The following CHIC2 variants were observed in gnomAD, a reference collection of about 807,000 sequenced individuals.
CHIC2 encodes cysteine rich hydrophobic domain 2, also known as cysteine-rich hydrophobic domain-containing protein 2.
A neutral mutation model predicts 25.9 loss-of-function variants in CHIC2; 14 were observed. That is an observed-to-expected ratio of 0.54 (90% CI 0.36 to 0.85). The LOEUF (loss-of-function observed/expected upper bound fraction) is 0.85, where lower values mean the gene tolerates loss of function less well. Ranked by LOEUF, CHIC2 falls within the 40% of genes least tolerant of loss-of-function variation. CHIC2 has a pLI of 0.01. For synonymous variants in CHIC2, 70 were observed against 72.0 expected, an observed-to-expected ratio of 0.97 and a Z score of 0.14; for missense variants, 146 against 202.0, an observed-to-expected ratio of 0.72 and a Z score of 1.68.
intron 3 of CHIC2, among the ~76,000 whole-genome samples, chr4:54,046,794 C>T (rs1716834259): frequency 6.6e-6 from 1 of 152,170 alleles, no homozygotes; most frequent in South Asian, 2.1e-4. Context: ...TCAAAACTGA[C>T]AAATGGGATC....
chr4:54,064,770 C>A (rs1034360788), upstream of CHIC2: 21 of 493,884 alleles, frequency 4.3e-5, no homozygotes, highest in Middle Eastern at 1.0e-3. The surrounding 1 kb of genome is among the most constrained non-coding windows in gnomAD (Gnocchi z 4.2). Flanking sequence ...CCCAGGCCAC[C>A]GTCTTTCCTC....
the CHIC2 span, among the ~76,000 whole-genome samples, chr4:54,078,671 A>G: frequency 6.6e-6 from 1 of 151,920 alleles, no homozygotes; most frequent in Non-Finnish European, 1.5e-5. Context: ...ATGCACTACC[A>G]CACCCCGTTA....
intron 1 of CHIC2, among the ~76,000 whole-genome samples, chr4:54,057,232 C>T (rs1481459524): frequency 2.6e-5 from 4 of 152,168 alleles, no homozygotes; most frequent in Non-Finnish European, 5.9e-5. Context: ...TAGAGATCAA[C>T]ACCCTAGCTG....
Position 54,048,954 on chromosome 4 carries a change from C to T in CHIC2, c.330+1G>A, listed in dbSNP as rs1270500667. On this transcript the variant is annotated splice_donor_variant, in intron 3 of 5. Transcript: ENST00000263921. LOFTEE classifies it high-confidence loss of function. Reference sequence around the variant, plus strand: ...AAATTAAAATATATAATTCAACTTACTCTTTTACTGAGGCAAATAACTGGC... The same window carrying T: ...AAATTAAAATATATAATTCAACTTATTCTTTTACTGAGGCAAATAACTGGC... The T allele has an allele frequency of 6.5e-7, 1 of 1,531,940 alleles. No homozygotes were observed. Among genetic ancestry groups the T allele is most frequent in the Non-Finnish European group, 8.8e-7 (1 of 1,141,100 alleles). 94.9% of individuals were successfully genotyped at this position (1,531,940 alleles called of 1,614,324 possible).
intron 3 of CHIC2, among the ~76,000 whole-genome samples, chr4:54,024,216 G>A (rs556250341): frequency 4.9e-4 from 75 of 152,126 alleles, no homozygotes; most frequent in African/African-American, 1.5e-3. Flanking sequence ...CTATTCTGTC[G>A]TCATTTCATA....
chr4:54,079,323 T>A, the CHIC2 span, among the ~76,000 whole-genome samples: 1 of 152,048 alleles, frequency 6.6e-6, no homozygotes, highest in Non-Finnish European at 1.5e-5. Context: ...GAACAAAAAA[T>A]AGGGGAAAAT....
chr4:54,037,860 A>G (rs1716442527), intron 3 of CHIC2, among the ~76,000 whole-genome samples: 2 of 152,110 alleles, frequency 1.3e-5, no homozygotes, highest in Non-Finnish European at 2.9e-5. Context: ...AAACAAAAAT[A>G]CTATATAAAA....
At chr4:54,031,377 G>A (rs1716224265) in intron 3 of CHIC2, among the ~76,000 whole-genome samples, 1 of 151,894 alleles carries the variant, frequency 6.6e-6, no homozygotes, top group Non-Finnish European at 1.5e-5. Context: ...CATATCTTAT[G>A]CAACATTATG....
At chr4:54,026,349 A>C (rs904809264) in intron 3 of CHIC2, among the ~76,000 whole-genome samples, 13 of 151,914 alleles carry the variant, frequency 8.6e-5, no homozygotes, top group Non-Finnish European at 1.9e-4. Flanking sequence ...GTGAAACCCC[A>C]ACTCTACTAA....
At chr4:54,015,115 T>C (rs138051521) in intron 3 of CHIC2, among the ~76,000 whole-genome samples, 1 of 152,260 alleles carries the variant, frequency 6.6e-6, no homozygotes, top group Admixed American at 6.5e-5. Flanking sequence ...ATTTAAAGTA[T>C]CTACTTTAAA....
the CHIC2 span, among the ~76,000 whole-genome samples, chr4:54,075,997 C>T: frequency 6.6e-6 from 1 of 152,040 alleles, no homozygotes; most frequent in African/African-American, 2.4e-5. Context: ...AGTTAAATGA[C>T]TTACTCAGGC....
intron 1 of CHIC2, among the ~76,000 whole-genome samples, chr4:54,050,076 C>G (rs1716953460): frequency 6.6e-6 from 1 of 152,072 alleles, no homozygotes; most frequent in Non-Finnish European, 1.5e-5. Context: ...CAGAAGTCTA[C>G]CAGTACTTGG....
upstream of CHIC2, among the ~76,000 whole-genome samples, chr4:54,067,928 C>A (rs9993861): frequency 4.6e-5 from 7 of 151,086 alleles, no homozygotes; most frequent in Admixed American, 2.0e-4. Flanking sequence ...GTCCCCCCCC[C>A]CAAATTCATA....
At chr4:54,016,483 T>C (rs1161959735) in intron 3 of CHIC2, among the ~76,000 whole-genome samples, 4 of 152,176 alleles carry the variant, frequency 2.6e-5, no homozygotes, top group Admixed American at 6.5e-5. Flanking sequence ...AGGAGTTTAA[T>C]GATAGGGCTT....
intron 3 of CHIC2, among the ~76,000 whole-genome samples, chr4:54,024,329 C>G (rs1056737299): frequency 5.3e-5 from 8 of 152,188 alleles, no homozygotes; most frequent in Non-Finnish European, 1.5e-5. Context: ...TTGCCTCCCT[C>G]TTGGAGTGGA....
chr4:54,011,082 T>TA (rs1266563345), intron 5 of CHIC2, among the ~76,000 whole-genome samples: 1 of 152,138 alleles, frequency 6.6e-6, no homozygotes, highest in African/African-American at 2.4e-5. Context: ...GATGGTGATT[T>TA]AAAAATTATT....
Sources: allele counts gnomAD v4.1 joint callset (sites outside exome capture counted in the v4.1 genomes callset), GRCh38; gene constraint gnomAD v4.1.1; non-coding constraint Gnocchi (gnomAD v3.1); transcripts MANE v1.5; gene names NCBI Gene and HGNC (gene_info 2026-07-23, HGNC 2026-07-21).